Variants in ESRP1 observed in about 807,000 individuals in gnomAD.
ESRP1 encodes epithelial splicing regulatory protein 1.
In ESRP1, 33 loss-of-function variants were observed where a neutral mutation model predicts 81.7. That is an observed-to-expected ratio of 0.40 (90% CI 0.31 to 0.54). The LOEUF is 0.54. Among genes scored for constraint, ESRP1 ranks in the 20% least tolerant of loss-of-function variants. The pLI is 0.41. For synonymous variants in ESRP1, 320 were observed against 303.3 expected (o/e 1.06, Z -0.57); for missense variants, 672 against 833.1 (o/e 0.81, Z 2.38).
intron 2 of ESRP1, among the ~76,000 whole-genome samples, chr8:94,642,844 G>C (rs1223966823): frequency 6.6e-6 from 1 of 152,138 alleles, no homozygotes; most frequent in East Asian, 1.9e-4. Flanking sequence ...TCGAGTTATA[G>C]GAGAAAGCTA....
chr8:94,663,705 G>A (rs1188042081), intron 6 of ESRP1, among the ~76,000 whole-genome samples: 2 of 152,092 alleles, frequency 1.3e-5, no homozygotes, highest in East Asian at 3.8e-4. Context: ...TTTGCCCATA[G>A]AGAGAGACTT....
intron 4 of ESRP1, among the ~76,000 whole-genome samples, chr8:94,652,198 G>A (rs1329758994): frequency 6.6e-6 from 1 of 151,888 alleles, no homozygotes; most frequent in African/African-American, 2.4e-5. Context: ...ATGTTGGCGA[G>A]GCTGGTCTGG....
rs1251683790 is a variant in ESRP1, at chr8:94,664,774, T to C, written c.722T>C (p.Ile241Thr). The change falls in exon 7 of 16, where the codon ATT (isoleucine) becomes ACT (threonine). Residue 241 changes from isoleucine to threonine, a missense_variant. Ile to Thr is a moderately conservative substitution (Grantham distance 89). Transcript: ENST00000433389. ...GLPWQSSDQD[I>T]ARFFKGLNIA... is the part of the protein sequence containing the mutation. ...CCATGGCAGTCTTCAGATCAAGATA[T>C]TGCAAGATTCTTCAAAGGACTCAAT... 1 of 1,614,018 alleles carries C rather than the reference T, an allele frequency of 6.2e-7. No homozygotes were observed. Among genetic ancestry groups the C allele is most frequent in the South Asian group, 1.1e-5 (1 of 91,078 alleles).
At position 94,678,264 on chromosome 8, in the gene ESRP1, C is replaced by T; in HGVS notation, c.1713C>T (p.Ala571=). 1 of 1,613,974 alleles carries T rather than the reference C, an allele frequency of 6.2e-7. No individual in the cohort carries two copies. The stretch of plus-strand genomic sequence containing the variant: ...CTGCAGTTATTCCTACAGAAGCTGC[C>T]ATTTACCAGCCCTCTGTGATTTTGA... ...APAAVIPTEA[A]IYQPSVILNP... Residue 571 remains alanine (A), a synonymous_variant, in exon 13 of 16, where the codon GCC becomes GCT. Transcript: ENST00000433389.
intron 15 of ESRP1, among the ~76,000 whole-genome samples, chr8:94,705,156 C>CTT (rs57801249): frequency 0.031 from 2,827 of 90,444 alleles, 484 homozygotes; most frequent in Non-Finnish European, 0.041. Flanking sequence ...TGCCTTATTG[C>CTT]TTTTTTTTTT....
intron 1 of ESRP1, 187 bp downstream of exon 1, chr8:94,641,637 T>G: frequency 3.6e-6 from 3 of 840,088 alleles, no homozygotes; most frequent in Non-Finnish European, 5.4e-6. Context: ...TGGAGCCATT[T>G]CAGTCCTCCG....
chr8:94,643,189 T>G, intron 2 of ESRP1, 114 bp from the exon 3 acceptor site: 1 of 656,714 alleles, frequency 1.5e-6, no homozygotes, highest in Non-Finnish European at 2.7e-6. Flanking sequence ...AGCACCGGTG[T>G]CACCCATCAG....
chr8:94,676,584 C>T (rs1435068401), intron 12 of ESRP1, among the ~76,000 whole-genome samples: 1 of 151,902 alleles, frequency 6.6e-6, no homozygotes, highest in Non-Finnish European at 1.5e-5. Flanking sequence ...GCTGCAACCT[C>T]TGACTCCCAG....
intron 15 of ESRP1, among the ~76,000 whole-genome samples, chr8:94,697,905 C>G (rs951332635): frequency 1.3e-5 from 2 of 152,048 alleles, no homozygotes; most frequent in Non-Finnish European, 2.9e-5. Context: ...CTCAGCCTCC[C>G]GAGTAGCTGG....
intron 4 of ESRP1, chr8:94,655,815 C>T (rs56006709): frequency 0.15 from 23,444 of 152,020 alleles, 2,308 homozygotes; most frequent in Non-Finnish European, 0.22. Context: ...CATTTGAACC[C>T]GGGAAGCGGA....
At chr8:94,668,662 C>T (rs2130629785) in intron 10 of ESRP1, among the ~76,000 whole-genome samples, 1 of 152,216 alleles carries the variant, frequency 6.6e-6, no homozygotes, top group East Asian at 1.9e-4. Context: ...AATTTGATTT[C>T]TGTAGCATTG....
intron 11 of ESRP1, among the ~76,000 whole-genome samples, chr8:94,673,912 C>T (rs916824663): frequency 2.0e-5 from 3 of 152,150 alleles, no homozygotes; most frequent in African/African-American, 7.2e-5. Flanking sequence ...CCTAAAGCTC[C>T]AGTGCTGGTT....
intron 15 of ESRP1, among the ~76,000 whole-genome samples, chr8:94,705,168 T>A (rs1329351598): frequency 3.1e-5 from 1 of 31,836 alleles, no homozygotes; most frequent in Non-Finnish European, 7.9e-5. Flanking sequence ...TTTTTTTTTT[T>A]TTTTTTTTTT....
At chr8:94,649,948 G>C (rs1362543611) in intron 4 of ESRP1, among the ~76,000 whole-genome samples, 4 of 152,078 alleles carry the variant, frequency 2.6e-5, no homozygotes, top group Non-Finnish European at 4.4e-5. Context: ...CTGCACCATT[G>C]AGCAGAAAGT....
At chr8:94,663,931 A>G (rs1563527565) in intron 6 of ESRP1, among the ~76,000 whole-genome samples, 2 of 152,092 alleles carry the variant, frequency 1.3e-5, no homozygotes. Context: ...TTAATGGCAG[A>G]CTTCCTACCA....
chr8:94,690,181 G>A (rs2130708361), intron 13 of ESRP1, among the ~76,000 whole-genome samples: 1 of 150,380 alleles, frequency 6.6e-6, no homozygotes, highest in Non-Finnish European at 1.5e-5. Context: ...TCACTGTGTT[G>A]GCCAGGCTGG....
At chr8:94,675,174 G>C in intron 12 of ESRP1, among the ~76,000 whole-genome samples, 1 of 112,426 alleles carries the variant, frequency 8.9e-6, no homozygotes, top group Middle Eastern at 5.4e-3. Flanking sequence ...TGTAGTCTAC[G>C]AAGTTCTAGT....
intron 15 of ESRP1, among the ~76,000 whole-genome samples, chr8:94,703,247 C>T (rs370152459): frequency 1.2e-4 from 18 of 151,820 alleles, no homozygotes; most frequent in Non-Finnish European, 2.5e-4. Context: ...CTCCACCTCC[C>T]GGGTTCAAGC....
chr8:94,641,509 G>A, intron 1 of ESRP1, 59 bp downstream of exon 1: 2 of 1,608,618 alleles, frequency 1.2e-6, no homozygotes, highest in Non-Finnish European at 1.7e-6. Context: ...TGTGGTAGAG[G>A]TTTGGGCGGG....
Sources: gnomAD v4.1 joint callset for allele counts (sites outside exome capture counted in the v4.1 genomes callset) on GRCh38, gnomAD v4.1.1 for gene constraint, MANE v1.5 for transcripts, NCBI Gene and HGNC (gene_info 2026-07-23, HGNC 2026-07-21) for gene names.